The following MLLT10 variants were observed in gnomAD, a reference collection of about 807,000 sequenced individuals.
MLLT10 encodes MLLT10 histone lysine methyltransferase DOT1L cofactor.
In MLLT10, 30 loss-of-function variants were observed where a neutral mutation model predicts 129.1. That is an observed-to-expected ratio of 0.23 (90% CI 0.17 to 0.32). The LOEUF (loss-of-function observed/expected upper bound fraction) is 0.32, where lower values mean the gene tolerates loss of function less well. MLLT10 is among the 10% of genes least tolerant of loss of function. MLLT10 has a pLI of 1.00. For synonymous variants in MLLT10, 490 were observed against 446.4 expected (o/e 1.10, Z -1.23); for missense variants, 1,119 against 1,268.3 (o/e 0.88, Z 1.79).
At chr10:21,615,651 A>AC (rs2045180728) in intron 7 of MLLT10, among the ~76,000 whole-genome samples, 1 of 152,034 alleles carries the variant, frequency 6.6e-6, no homozygotes, top group African/African-American at 2.4e-5. Context: ...AATTACTATT[A>AC]CCCATTTATT....
Position 21,619,065 on chromosome 10 carries a change from CACA to C in MLLT10, c.699+1859_699+1861del, listed in dbSNP as rs1404697458. Among the ~76,000 whole-genome samples, 7 of 146,264 alleles carry C rather than the reference CACA, an allele frequency of 4.8e-5. No individual in the cohort carries two copies. The East Asian group carries it at 1.2e-3, about 24-fold the overall frequency. ...ACACACACACACACACACACACACACACACTTTTTTTAGATCTCAGGCAGCAAG... is the reference window on the plus strand; with the variant it reads ...ACACACACACACACACACACACACACCTTTTTTTAGATCTCAGGCAGCAAG... On this transcript the variant is annotated intron_variant, in intron 8 of 22. Transcript: ENST00000307729.
At chr10:21,652,169 C>A (rs2131324742) in intron 9 of MLLT10, among the ~76,000 whole-genome samples, 1 of 152,238 alleles carries the variant, frequency 6.6e-6, no homozygotes, top group South Asian at 2.1e-4. Context: ...ACCTCAGCCT[C>A]CCAAAGTGCT....
chr10:21,651,187 T>C (rs1354515378), intron 8 of MLLT10, among the ~76,000 whole-genome samples: 1 of 152,146 alleles, frequency 6.6e-6, no homozygotes, highest in African/African-American at 2.4e-5. Flanking sequence ...TTCTCCTGCC[T>C]CAGCATCCTG....
chr10:21,574,908 T>G (rs772940368), intron 3 of MLLT10, among the ~76,000 whole-genome samples: 14 of 152,162 alleles, frequency 9.2e-5, no homozygotes, highest in Non-Finnish European at 1.3e-4. Context: ...TTATGTCTTG[T>G]ATCTTGTGCC....
At chr10:21,619,680 C>G (rs1182027616) in intron 8 of MLLT10, among the ~76,000 whole-genome samples, 2 of 152,082 alleles carry the variant, frequency 1.3e-5, no homozygotes, top group Admixed American at 6.6e-5. Flanking sequence ...TGCTGTCAAG[C>G]TTGAATCTGT....
intron 8 of MLLT10, among the ~76,000 whole-genome samples, chr10:21,635,781 C>T (rs973667639): frequency 7.3e-5 from 11 of 151,330 alleles, no homozygotes; most frequent in African/African-American, 2.7e-4. Flanking sequence ...GTCTAGAGTG[C>T]AATGGTGCAA....
Position 21,727,896 on chromosome 10 carries a change from A to G in MLLT10, c.2031A>G (p.Arg677=), listed in dbSNP as rs1231739826. The change falls in exon 16 of 23, where the codon AGA becomes AGG. Residue 677 remains arginine, a synonymous_variant. Coordinates refer to ENST00000307729, the MANE Select transcript of MLLT10 (RefSeq NM_001195626.3). ...ACAATAGCCGCAACCTAGTTGGCAG[A>G]GGAAGCTCACCCCGAGGAAGTCTCT... ...LGDNSRNLVG[R]GSSPRGSLSP... 10 of 1,614,148 alleles carry G rather than the reference A, an allele frequency of 6.2e-6. No homozygotes were observed. The highest frequency in any genetic ancestry group is 5.9e-6 in the Non-Finnish European group (7 of 1,180,010).
chr10:21,535,035 C>T (rs1027439734), intron 2 of MLLT10, among the ~76,000 whole-genome samples: 1 of 149,492 alleles, frequency 6.7e-6, no homozygotes, highest in African/African-American at 2.4e-5. Context: ...ATTCGGCCGC[C>T]GCCTGCGCCT....
intron 13 of MLLT10, among the ~76,000 whole-genome samples, chr10:21,713,129 T>A (rs1306736870): frequency 6.6e-6 from 1 of 152,182 alleles, no homozygotes; most frequent in East Asian, 1.9e-4. Flanking sequence ...CAGTTCATCA[T>A]GTCTTAATCG....
intron 13 of MLLT10, among the ~76,000 whole-genome samples, chr10:21,695,664 G>T (rs2054291873): frequency 6.6e-6 from 1 of 152,140 alleles, no homozygotes; most frequent in South Asian, 2.1e-4. Flanking sequence ...TCATCGTGGG[G>T]ATTGGTTCCT....
Position 21,681,390 on chromosome 10 carries a change from C to T in MLLT10, c.1666+14C>T. ...GCCCAACAACTAGTAAGTTGTCAAACTGGGTTGATAACCCGGGCCTTTTGT... is the reference window on the plus strand; with the variant it reads ...GCCCAACAACTAGTAAGTTGTCAAATTGGGTTGATAACCCGGGCCTTTTGT... On this transcript the variant is annotated intron_variant, in intron 12 of 22. Transcript: ENST00000307729. 5 of 1,594,642 alleles carry T rather than the reference C, an allele frequency of 3.1e-6. 1 individual carries two copies. The highest frequency in any genetic ancestry group is 3.4e-6 in the Non-Finnish European group (4 of 1,163,828).
intron 8 of MLLT10, among the ~76,000 whole-genome samples, chr10:21,621,389 C>A (rs1213664899): frequency 6.6e-6 from 1 of 151,360 alleles, no homozygotes. Flanking sequence ...GGATTATAGG[C>A]GCCCGCCAAC....
chr10:21,689,615 A>G (rs561342305), intron 13 of MLLT10, among the ~76,000 whole-genome samples: 2 of 141,160 alleles, frequency 1.4e-5, no homozygotes, highest in South Asian at 2.2e-4. Context: ...ATATATATAT[A>G]TATACACACA....
intron 2 of MLLT10, 46 bp downstream of exon 2, chr10:21,534,850 G>T (rs866430806): frequency 1.4e-6 from 2 of 1,440,304 alleles, no homozygotes; most frequent in Admixed American, 4.3e-5. Context: ...TGCGCCCAAC[G>T]GTCACCGCCG....
intron 14 of MLLT10, among the ~76,000 whole-genome samples, chr10:21,717,710 CTCCTCTTCCTCCTCCTCCTCCTCCTCT>C (rs1194677180): frequency 2.6e-5 from 2 of 77,266 alleles, no homozygotes; most frequent in Non-Finnish European, 4.9e-5. Flanking sequence ...CTTCCTCCTC[CTCCTCTTCCTCCTCCTCCTCCTCCTCT>C]TCCTCCTCCT....
chr10:21,646,946 C>T (rs918765608), intron 8 of MLLT10, among the ~76,000 whole-genome samples: 3 of 151,472 alleles, frequency 2.0e-5, no homozygotes, highest in Non-Finnish European at 2.9e-5. Flanking sequence ...AGCTCCGCCT[C>T]TCGAGTTGAT....
chr10:21,534,066 G>C (rs1175481143), upstream of MLLT10: 1 of 184,336 alleles, frequency 5.4e-6, no homozygotes, highest in Admixed American at 6.2e-5. Context: ...GCGCGCCGCC[G>C]GCTCCCCTCG....
Position 21,740,188 on chromosome 10 carries a change from C to G in MLLT10, c.3114C>G (p.Thr1038=), listed in dbSNP as rs1412980645. 1.2e-6 allele frequency: 2 copies of G among 1,614,172 alleles called. No individual in the cohort carries two copies. Among genetic ancestry groups the G allele is most frequent in the South Asian group, 1.1e-5 (1 of 91,084 alleles). ...TQAPPLHTAT[T]NPFLTIHGDN... is the part of the protein sequence containing the mutation. ...CACCCCCACTTCACACAGCTACCAC[C>G]AACCCATTTCTCACCATCCATGGAG... Residue 1038 remains threonine, a synonymous_variant, in exon 22 of 23, where the codon ACC becomes ACG. Coordinates refer to ENST00000307729, the MANE Select transcript of MLLT10 (RefSeq NM_001195626.3).
At chr10:21,672,352 C>G (rs1487543770) in intron 10 of MLLT10, among the ~76,000 whole-genome samples, 1 of 152,048 alleles carries the variant, frequency 6.6e-6, no homozygotes, top group Non-Finnish European at 1.5e-5. Context: ...CTTTGTCTCC[C>G]AAGTAGATGG....
Sources: allele counts gnomAD v4.1 joint callset (sites outside exome capture counted in the v4.1 genomes callset), GRCh38; gene constraint gnomAD v4.1.1; transcripts MANE v1.5; gene names NCBI Gene and HGNC (gene_info 2026-07-23, HGNC 2026-07-21).